Variants in RASGRF2 observed in about 807,000 individuals in gnomAD.
RASGRF2 encodes the protein Ras protein specific guanine nucleotide releasing factor 2, also known as ras-specific guanine nucleotide-releasing factor 2.
A neutral mutation model predicts 151.0 loss-of-function variants in RASGRF2; 76 were observed. The ratio of observed to expected loss-of-function variants is 0.50; its 90% CI spans 0.42 to 0.61. The LOEUF (loss-of-function observed/expected upper bound fraction) is 0.61, where lower values mean the gene tolerates loss of function less well. Ranked by LOEUF, RASGRF2 falls within the 20% of genes least tolerant of loss-of-function variation. The pLI is 0.00. For synonymous variants in RASGRF2, 504 were observed against 566.5 expected (o/e 0.89, Z 1.57); for missense variants, 1,148 against 1,564.6 (o/e 0.73, Z 4.49).
intron 7 of RASGRF2, among the ~76,000 whole-genome samples, chr5:81,082,232 G>T (rs1428304384): frequency 1.3e-5 from 2 of 152,084 alleles, no homozygotes; most frequent in Non-Finnish European, 2.9e-5. Context: ...GATTTTTTCA[G>T]TATTTTGAAA....
rs147794176 is a variant in RASGRF2, at chr5:81,222,226, A to G, written c.3621+2448A>G. Among the ~76,000 whole-genome samples the G allele has an allele frequency of 3.1e-3, 473 of 152,288 alleles. 2 individuals are homozygous for G. The highest frequency in any genetic ancestry group is 4.9e-3 in the Non-Finnish European group (333 of 68,026). ...ATAAATATATCTCTATGTAACCATC[A>G]GTATTTGTATTAAGCTAAATATACT... On this transcript the variant is annotated intron_variant, in intron 26 of 26. Coordinates refer to ENST00000265080, the MANE Select transcript of RASGRF2 (RefSeq NM_006909.3).
chr5:81,007,937 C>T (rs1371764240), intron 1 of RASGRF2, among the ~76,000 whole-genome samples: 1 of 152,036 alleles, frequency 6.6e-6, no homozygotes, highest in East Asian at 1.9e-4. Context: ...TTGGCCATGG[C>T]AGTTATGGAA....
At chr5:81,196,190 C>A (rs916160014) in intron 18 of RASGRF2, among the ~76,000 whole-genome samples, 1 of 152,156 alleles carries the variant, frequency 6.6e-6, no homozygotes, top group Non-Finnish European at 1.5e-5. Context: ...ACCTGGGAGG[C>A]AGAGGCTACA....
chr5:81,225,732 G>A lies in RASGRF2; in HGVS notation c.3676G>A (p.Glu1226Lys). ...TATCATAGATGAAGATACGCTATATGAGCTGTCACTAAAAATTGAACCTCG... is the reference window on the plus strand; with the variant it reads ...TATCATAGATGAAGATACGCTATATAAGCTGTCACTAAAAATTGAACCTCG... ...DLIIDEDTLY[E>K]LSLKIEPRLP... Residue 1226 changes from glutamate (E) to lysine (K), a missense_variant, in exon 27 of 27, where the codon GAG becomes AAG. Transcript: ENST00000265080. 1 of 1,612,368 alleles carries A rather than the reference G, an allele frequency of 6.2e-7. No individual in the cohort carries two copies. The highest frequency in any genetic ancestry group is 8.5e-7 in the Non-Finnish European group (1 of 1,179,638).
intron 2 of RASGRF2, among the ~76,000 whole-genome samples, chr5:81,062,005 A>AC (rs1295380150): frequency 4.2e-5 from 6 of 142,126 alleles, no homozygotes; most frequent in African/African-American, 1.6e-4. Flanking sequence ...GACAAAAAAA[A>AC]AAAAAAAAAA....
At chr5:81,159,033 A>G (rs1259627996) in intron 17 of RASGRF2, among the ~76,000 whole-genome samples, 1 of 152,204 alleles carries the variant, frequency 6.6e-6, no homozygotes, top group African/African-American at 2.4e-5. Flanking sequence ...CAAATTAGAA[A>G]CAATCCAAAT....
chr5:81,214,673 A>T (rs951032879), intron 23 of RASGRF2, among the ~76,000 whole-genome samples: 1 of 152,176 alleles, frequency 6.6e-6, no homozygotes, highest in African/African-American at 2.4e-5. Context: ...GGTGAGACAA[A>T]GTAGTTTGAG....
At chr5:81,022,035 C>T (rs1490424147) in intron 1 of RASGRF2, among the ~76,000 whole-genome samples, 1 of 152,174 alleles carries the variant, frequency 6.6e-6, no homozygotes, top group Non-Finnish European at 1.5e-5. Flanking sequence ...ATCTGAAAAA[C>T]ACCTTAAACG....
At chr5:81,210,772 C>G (rs1755612751) in intron 22 of RASGRF2, among the ~76,000 whole-genome samples, 1 of 152,188 alleles carries the variant, frequency 6.6e-6, no homozygotes. Context: ...AGTCCTTGTG[C>G]CCCTCAGATG....
intron 2 of RASGRF2, among the ~76,000 whole-genome samples, chr5:81,065,873 C>T (rs916879708): frequency 1.3e-5 from 2 of 151,898 alleles, no homozygotes; most frequent in Non-Finnish European, 2.9e-5. Flanking sequence ...TTTTATCATG[C>T]TCTTATGGTT....
intron 1 of RASGRF2, among the ~76,000 whole-genome samples, chr5:81,035,364 A>C (rs1464046422): frequency 1.3e-5 from 2 of 152,246 alleles, no homozygotes; most frequent in African/African-American, 4.8e-5. Context: ...TCACAAGGAC[A>C]GAAAATCAAA....
intron 18 of RASGRF2, among the ~76,000 whole-genome samples, chr5:81,180,514 C>T (rs2112675685): frequency 6.6e-6 from 1 of 151,950 alleles, no homozygotes; most frequent in South Asian, 2.1e-4. Context: ...AAACGGGGCT[C>T]CTCTGTCCCT....
intron 1 of RASGRF2, among the ~76,000 whole-genome samples, chr5:81,031,504 A>G (rs988842253): frequency 6.6e-5 from 10 of 152,182 alleles, no homozygotes; most frequent in African/African-American, 2.4e-4. Context: ...CTCACTCAAA[A>G]CCGCTCAACT....
intron 1 of RASGRF2, among the ~76,000 whole-genome samples, chr5:81,022,970 A>T (rs760421142): frequency 6.6e-6 from 1 of 151,992 alleles, no homozygotes; most frequent in Non-Finnish European, 1.5e-5. Context: ...AGGGCTGATA[A>T]GGGGGTAGAA....
intron 23 of RASGRF2, 128 bp from the exon 24 acceptor site, chr5:81,215,748 A>G (rs1755722904): frequency 2.6e-6 from 3 of 1,174,586 alleles, no homozygotes; most frequent in Non-Finnish European, 3.3e-6. Context: ...CTATCACACA[A>G]TGACCTTTAT....
intron 17 of RASGRF2, among the ~76,000 whole-genome samples, chr5:81,128,632 C>T (rs949497190): frequency 6.6e-6 from 1 of 152,058 alleles, no homozygotes; most frequent in African/African-American, 2.4e-5. Flanking sequence ...TTGTGGAGTG[C>T]GGGGAGCCGA....
chr5:81,212,716 T>C (rs1755653116), intron 23 of RASGRF2, among the ~76,000 whole-genome samples, 153 bp downstream of exon 23: 1 of 152,226 alleles, frequency 6.6e-6, no homozygotes, highest in African/African-American at 2.4e-5. Flanking sequence ...TACAGGGCTC[T>C]TACCACTTAA....
At chr5:81,021,895 T>C (rs1393289917) in intron 1 of RASGRF2, among the ~76,000 whole-genome samples, 1 of 152,040 alleles carries the variant, frequency 6.6e-6, no homozygotes, top group East Asian at 1.9e-4. Context: ...AGTATGGGGA[T>C]CACTGATTGG....
chr5:81,116,571 C>T lies in RASGRF2; in HGVS notation c.2470+2651C>T, dbSNP rs953813981. On this transcript the variant is annotated intron_variant, in intron 15 of 26. Coordinates refer to ENST00000265080, the MANE Select transcript of RASGRF2 (RefSeq NM_006909.3). ...AATCTTTCTTCTCCTCCTTCTTCTT[C>T]TTACCATCTTAAGTATCTTTAAGTG... is the stretch of plus-strand genomic sequence containing the variant. 2.1e-4 allele frequency among the ~76,000 whole-genome samples: 32 copies of T among 151,888 alleles called. 1 individual carries two copies. Among genetic ancestry groups the T allele is most frequent in the Middle Eastern group, 3.4e-3 (1 of 294 alleles).
Sources: allele counts gnomAD v4.1 joint callset (sites outside exome capture counted in the v4.1 genomes callset), GRCh38; gene constraint gnomAD v4.1.1; transcripts MANE v1.5; gene names NCBI Gene and HGNC (gene_info 2026-07-23, HGNC 2026-07-21).